The following GNG12 variants were observed in gnomAD, a reference collection of about 807,000 sequenced individuals.
GNG12 encodes the protein guanine nucleotide-binding protein G(I)/G(S)/G(O) subunit gamma-12.
For missense variants in GNG12, 69 were observed against 83.8 expected (o/e 0.82, Z 0.69); for synonymous variants, 28 against 29.7 (o/e 0.94, Z 0.19).
chr1:67,787,069 GTA>G (rs397828874), intron 1 of GNG12, among the ~76,000 whole-genome samples: 3,226 of 145,758 alleles, frequency 0.022, 57 homozygotes, highest in South Asian at 0.06. Context: ...GTGTGTGTGT[GTA>G]TAGTCCCCCT....
At chr1:67,806,631 A>G (rs775735168) in intron 1 of GNG12, among the ~76,000 whole-genome samples, 4 of 152,132 alleles carry the variant, frequency 2.6e-5, no homozygotes, top group Admixed American at 2.6e-4. Flanking sequence ...CAGAGAAAAC[A>G]GGAGTAGCTA....
Position 67,715,321 on chromosome 1 carries a change from T to C in GNG12, c.-26-7609A>G, listed in dbSNP as rs555728826. 3.7e-4 allele frequency among the ~76,000 whole-genome samples: 56 copies of C among 152,318 alleles called. 1 individual carries two copies. The highest frequency in any genetic ancestry group is 1.3e-3 in the African/African-American group (56 of 41,576). ...GCTTCCAGAAATGTGAGAAAATTCA[T>C]TTCTGTTGTTTAAGCCCCCTGGTCT... On this transcript the variant is annotated intron_variant, in intron 2 of 3. Transcript: ENST00000370982.
intron 2 of GNG12, among the ~76,000 whole-genome samples, chr1:67,773,624 T>C (rs1646687064): frequency 6.6e-6 from 1 of 152,182 alleles, no homozygotes; most frequent in South Asian, 2.1e-4. Flanking sequence ...AAGAGGATCA[T>C]GCAGGGTCAA....
chr1:67,727,163 A>G (rs971287526), intron 2 of GNG12, among the ~76,000 whole-genome samples: 1 of 152,232 alleles, frequency 6.6e-6, no homozygotes, highest in Non-Finnish European at 1.5e-5. Context: ...ATACAACAAT[A>G]TTATGCCTTT....
chr1:67,804,488 C>T (rs1262958344), intron 1 of GNG12, among the ~76,000 whole-genome samples: 1 of 152,086 alleles, frequency 6.6e-6, no homozygotes, highest in African/African-American at 2.4e-5. Flanking sequence ...GTGTCTTTAT[C>T]ATAAAAATGC....
rs922175200 is a variant in GNG12 at position 67,751,132 on chromosome 1, C to T, written c.-27+26326G>A. ...ATTCACCCCCTCACCCACCCACCCA[C>T]GCATCCACTCATAGTCTACCAGGAC... is the stretch of plus-strand genomic sequence containing the variant. On this transcript the variant is annotated intron_variant, in intron 2 of 3. Transcript: ENST00000370982. Among the ~76,000 whole-genome samples the T allele has an allele frequency of 4.6e-5, 7 of 151,564 alleles. No homozygotes were observed. The East Asian group carries it at 9.7e-4, about 21-fold the overall frequency.
chr1:67,707,335 G>A (rs1165711659), intron 3 of GNG12, among the ~76,000 whole-genome samples: 1 of 152,192 alleles, frequency 6.6e-6, no homozygotes, highest in Non-Finnish European at 1.5e-5. Context: ...ACTTGACCAT[G>A]TTCATTCAGG....
intron 2 of GNG12, among the ~76,000 whole-genome samples, chr1:67,722,881 T>C (rs368947531): frequency 3.3e-5 from 5 of 152,268 alleles, no homozygotes; most frequent in East Asian, 3.9e-4. Context: ...CTGGGTTCAA[T>C]TGGGATTCTG....
chr1:67,833,385 G>C lies in GNG12; in HGVS notation c.-118C>G, dbSNP rs1231574508. The C allele has an allele frequency of 4.1e-6, 4 of 985,378 alleles. No individual in the cohort carries two copies. Among genetic ancestry groups the C allele is most frequent in the African/African-American group, 1.7e-5 (1 of 57,150 alleles). 61.0% of individuals were successfully genotyped at this position (985,378 alleles called of 1,614,324 possible). A position where few individuals can be genotyped will look rare whatever the true frequency, so the allele number is the denominator to read the frequency against. On this transcript the variant is annotated 5_prime_UTR_variant, in exon 1 of 4. Transcript: ENST00000370982. The stretch of plus-strand genomic sequence containing the variant: ...TGCCCCGCCGTCGCCGCCGGGACTC[G>C]GTCTCTAAGGGCTCCTGGAGACGGC...
chr1:67,793,382 T>C (rs1455698112), intron 1 of GNG12, among the ~76,000 whole-genome samples: 4 of 152,246 alleles, frequency 2.6e-5, no homozygotes, highest in Non-Finnish European at 5.9e-5. Flanking sequence ...TTGATTTCCA[T>C]GTATTTCTTT....
intron 2 of GNG12, among the ~76,000 whole-genome samples, chr1:67,767,897 CT>C (rs1646650773): frequency 6.6e-6 from 1 of 152,196 alleles, no homozygotes; most frequent in African/African-American, 2.4e-5. Context: ...ATAGAAATGT[CT>C]TCATAAAATC....
intron 1 of GNG12, among the ~76,000 whole-genome samples, chr1:67,801,758 T>C (rs1646866878): frequency 6.6e-6 from 1 of 152,168 alleles, no homozygotes; most frequent in Admixed American, 6.5e-5. Context: ...GAAATTACCT[T>C]TCCTGTATGA....
At chr1:67,776,449 C>G (rs1296772132) in intron 2 of GNG12, among the ~76,000 whole-genome samples, 1 of 152,170 alleles carries the variant, frequency 6.6e-6, no homozygotes, top group African/African-American at 2.4e-5. Flanking sequence ...AACCATATAG[C>G]TTGCTTTAAC....
At chr1:67,710,076 TTA>T (rs61024882) in intron 2 of GNG12, among the ~76,000 whole-genome samples, 222 of 17,778 alleles carry the variant, frequency 0.012, 6 homozygotes, top group African/African-American at 0.021. Context: ...ATATATATAG[TTA>T]TATATATATA....
At chr1:67,796,949 G>A (rs180687202) in intron 1 of GNG12, among the ~76,000 whole-genome samples, 1 of 152,174 alleles carries the variant, frequency 6.6e-6, no homozygotes, top group Non-Finnish European at 1.5e-5. Flanking sequence ...CAGACAGCAA[G>A]AGAGATGTCA....
intron 2 of GNG12, among the ~76,000 whole-genome samples, chr1:67,726,313 T>G (rs892672967): frequency 6.6e-6 from 1 of 152,252 alleles, no homozygotes; most frequent in Non-Finnish European, 1.5e-5. Context: ...TATTGTGCTT[T>G]ATATCTTCCA....
At chr1:67,783,059 A>C (rs1219320898) in intron 1 of GNG12, among the ~76,000 whole-genome samples, 1 of 152,180 alleles carries the variant, frequency 6.6e-6, no homozygotes, top group African/African-American at 2.4e-5. Flanking sequence ...GGCTAATATT[A>C]CCTTTTGTAT....
At chr1:67,744,843 C>T (rs930445734) in intron 2 of GNG12, among the ~76,000 whole-genome samples, 1 of 152,194 alleles carries the variant, frequency 6.6e-6, no homozygotes, top group African/African-American at 2.4e-5. Flanking sequence ...CTGTCCCTCC[C>T]AGCACATCTC....
intron 2 of GNG12, among the ~76,000 whole-genome samples, chr1:67,775,225 T>C (rs1296471369): frequency 6.6e-6 from 1 of 152,236 alleles, no homozygotes; most frequent in Non-Finnish European, 1.5e-5. Context: ...TAGTTAAACA[T>C]TCTTCTCATT....
Sources: gnomAD v4.1 joint callset for allele counts (sites outside exome capture counted in the v4.1 genomes callset) on GRCh38, gnomAD v4.1.1 for gene constraint, MANE v1.5 for transcripts, NCBI Gene and HGNC (gene_info 2026-07-23, HGNC 2026-07-21) for gene names.